The following CDH12 variants were observed in gnomAD, a reference collection of about 807,000 sequenced individuals.
CDH12 encodes cadherin 12.
CDH12 carries 41 observed loss-of-function variants against 74.1 expected under a neutral mutation model. The ratio of observed to expected loss-of-function variants is 0.55; its 90% CI spans 0.43 to 0.72. The LOEUF (loss-of-function observed/expected upper bound fraction) is 0.72, where lower values mean the gene tolerates loss of function less well. Among genes scored for constraint, CDH12 ranks in the 30% least tolerant of loss-of-function variants. The pLI is 0.00. For synonymous variants in CDH12, 399 were observed against 355.0 expected, an observed-to-expected ratio of 1.12 and a Z score of -1.39; for missense variants, 945 against 977.2, an observed-to-expected ratio of 0.97 and a Z score of 0.44.
chr5:21,903,765 A>G (rs2150056558), intron 6 of CDH12, among the ~76,000 whole-genome samples: 1 of 152,302 alleles, frequency 6.6e-6, no homozygotes, highest in South Asian at 2.1e-4. Context: ...GAACAATAGA[A>G]GTCAAAAGAT....
At chr5:22,103,108 G>C (rs527237266) in intron 4 of CDH12, among the ~76,000 whole-genome samples, 1 of 152,226 alleles carries the variant, frequency 6.6e-6, no homozygotes, top group Non-Finnish European at 1.5e-5. Context: ...AGCACTTAGA[G>C]ACAGGCAGAT....
In CDH12 at chr5:21,993,278, G is replaced by A. The variant is rs1017693815; in HGVS notation, c.232-17893C>T. On this transcript the variant is annotated intron_variant, in intron 5 of 14. Transcript: ENST00000382254. ...GAGTAGTAGGAAGTATTCTACAACC[G>A]ACTCCTAGATTTCTCTCCCCTGAGT... Among the ~76,000 whole-genome samples the A allele has an allele frequency of 3.4e-4, 52 of 152,000 alleles. 1 individual carries two copies. The highest frequency in any genetic ancestry group is 6.8e-4 in the Non-Finnish European group (46 of 67,998).
At position 22,453,268 on chromosome 5, in the gene CDH12, A is replaced by G. The variant is rs189600581; in HGVS notation, c.-427-47917T>C. On this transcript the variant is annotated intron_variant, in intron 2 of 14. Transcript: ENST00000382254. ...AAAGGAAATGAGACCAGTATGTCAA[A>G]GAAATGTTTGTAGTCCTGTATTTAT... Among the ~76,000 whole-genome samples the G allele has an allele frequency of 2.0e-5, 3 of 152,234 alleles. No individual in the cohort carries two copies. In the East Asian group the frequency reaches 5.8e-4, roughly 29 times the overall value.
chr5:22,546,913 A>C (rs1738356905), intron 1 of CDH12, among the ~76,000 whole-genome samples: 1 of 152,234 alleles, frequency 6.6e-6, no homozygotes, highest in African/African-American at 2.4e-5. Context: ...ATGCAAAACA[A>C]ATAAACTAAT....
intron 1 of CDH12, among the ~76,000 whole-genome samples, chr5:22,688,670 G>A (rs1287762167): frequency 6.6e-6 from 1 of 152,108 alleles, no homozygotes; most frequent in African/African-American, 2.4e-5. Context: ...GCAAATGTAA[G>A]AAACATTCTT....
chr5:22,321,653 T>A (rs116104214), intron 3 of CDH12, among the ~76,000 whole-genome samples: 11,622 of 151,528 alleles, frequency 0.077, 622 homozygotes, highest in South Asian at 0.16. Context: ...ATAAAAAAAA[T>A]AAATTAAAAA....
At chr5:22,642,087 G>A (rs995953721) in intron 1 of CDH12, among the ~76,000 whole-genome samples, 1 of 152,078 alleles carries the variant, frequency 6.6e-6, no homozygotes. Flanking sequence ...GTAGCACTTA[G>A]GAATATACAT....
In CDH12 at chr5:22,154,467, A is replaced by G. The variant is rs1480571651; in HGVS notation, c.-187+58031T>C. Among the ~76,000 whole-genome samples the G allele has an allele frequency of 0.031, 51 of 1,624 alleles. 3 individuals are homozygous for G. In the East Asian group the frequency reaches 0.4, roughly 13 times the overall value. 1.1% of individuals were successfully genotyped at this position (1,624 alleles called of 152,430 possible). A position where few individuals can be genotyped will look rare whatever the true frequency, so the allele number is the denominator to read the frequency against. On this transcript the variant is annotated intron_variant, in intron 4 of 14. Coordinates refer to ENST00000382254, the MANE Select transcript of CDH12 (RefSeq NM_004061.5). ...TACACATATATATGTACACATATAT[A>G]TGTACACATATATATGTACACATAT...
chr5:22,821,128 A>T (rs546798703), intron 1 of CDH12, among the ~76,000 whole-genome samples: 115 of 152,274 alleles, frequency 7.6e-4, no homozygotes, highest in African/African-American at 2.7e-3. Context: ...AACCAAAGAC[A>T]AAAACCACAT....
intron 5 of CDH12, among the ~76,000 whole-genome samples, chr5:21,994,387 C>T (rs946178519): frequency 6.6e-6 from 1 of 152,068 alleles, no homozygotes; most frequent in Non-Finnish European, 1.5e-5. Context: ...ACAATGTACT[C>T]ATCAGTCTCT....
At chr5:22,346,401 T>G (rs1740115766) in intron 3 of CDH12, among the ~76,000 whole-genome samples, 1 of 152,180 alleles carries the variant, frequency 6.6e-6, no homozygotes, top group Admixed American at 6.5e-5. Flanking sequence ...TACTATCAAT[T>G]CTACTTCCCT....
intron 1 of CDH12, among the ~76,000 whole-genome samples, chr5:22,570,704 CA>C (rs1261978958): frequency 6.6e-6 from 1 of 152,130 alleles, no homozygotes; most frequent in Non-Finnish European, 1.5e-5. Context: ...GATAAATGAG[CA>C]TTGGCTTCAA....
intron 1 of CDH12, among the ~76,000 whole-genome samples, chr5:22,807,279 T>C (rs1411923424): frequency 6.6e-6 from 1 of 152,226 alleles, no homozygotes; most frequent in African/African-American, 2.4e-5. Flanking sequence ...CTTTCAAGGA[T>C]ATGATGATAG....
At chr5:22,098,681 C>T (rs983742834) in intron 4 of CDH12, among the ~76,000 whole-genome samples, 2 of 152,168 alleles carry the variant, frequency 1.3e-5, no homozygotes, top group Admixed American at 1.3e-4. Context: ...GTTCCTGGCC[C>T]GGACTTCAAT....
intron 6 of CDH12, among the ~76,000 whole-genome samples, chr5:21,892,352 A>T (rs1201774608): frequency 6.6e-6 from 1 of 152,132 alleles, no homozygotes; most frequent in Non-Finnish European, 1.5e-5. Context: ...GAACTTTCCT[A>T]GAATGGAATA....
chr5:22,504,226 C>A (rs1736290269), intron 2 of CDH12, among the ~76,000 whole-genome samples: 1 of 151,810 alleles, frequency 6.6e-6, no homozygotes, highest in Non-Finnish European at 1.5e-5. Context: ...CATTCTATTT[C>A]AATCTTACCA....
At chr5:22,104,079 GA>G (rs1406365159) in intron 4 of CDH12, among the ~76,000 whole-genome samples, 1 of 152,122 alleles carries the variant, frequency 6.6e-6, no homozygotes, top group African/African-American at 2.4e-5. Context: ...AAAGTTATGG[GA>G]AAATTTAATG....
chr5:22,744,186 T>C (rs1051406227), intron 1 of CDH12, among the ~76,000 whole-genome samples: 5 of 151,966 alleles, frequency 3.3e-5, no homozygotes, highest in Non-Finnish European at 7.4e-5. Flanking sequence ...TCCCAGCACT[T>C]TGGGAGGCCG....
intron 1 of CDH12, among the ~76,000 whole-genome samples, chr5:22,762,666 G>A (rs142512017): frequency 6.6e-6 from 1 of 152,090 alleles, no homozygotes. Context: ...ATTTGTTTCA[G>A]AACATTCTTT....
Sources: allele counts gnomAD v4.1 joint callset (sites outside exome capture counted in the v4.1 genomes callset), GRCh38; gene constraint gnomAD v4.1.1; transcripts MANE v1.5; gene names NCBI Gene and HGNC (gene_info 2026-07-23, HGNC 2026-07-21).